The following DYRK1A variants were observed in gnomAD, a reference collection of about 807,000 sequenced individuals.
The protein encoded by DYRK1A is dual specificity tyrosine phosphorylation regulated kinase 1A, also known as dual specificity tyrosine-phosphorylation-regulated kinase 1A.
DYRK1A carries 9 observed loss-of-function variants against 79.7 expected under a neutral mutation model. The ratio of observed to expected loss-of-function variants is 0.11; its 90% CI spans 0.07 to 0.20. The LOEUF (loss-of-function observed/expected upper bound fraction) is 0.20, where lower values mean the gene tolerates loss of function less well. Ranked by LOEUF, DYRK1A falls within the 10% of genes least tolerant of loss-of-function variation. The pLI, the probability that DYRK1A is intolerant of heterozygous loss-of-function variation, is 1.00. For missense variants in DYRK1A, 622 were observed against 956.0 expected, an observed-to-expected ratio of 0.65 and a Z score of 4.61; for synonymous variants, 349 against 329.7, an observed-to-expected ratio of 1.06 and a Z score of -0.63.
chr21:37,438,468 T>G (rs997049755), intron 2 of DYRK1A, among the ~76,000 whole-genome samples: 6 of 152,226 alleles, frequency 3.9e-5, no homozygotes, highest in Non-Finnish European at 8.8e-5. Flanking sequence ...TATTTAAGTC[T>G]GTGGTCCATT....
chr21:37,441,024 C>G (rs909819868), intron 2 of DYRK1A, among the ~76,000 whole-genome samples: 2 of 151,840 alleles, frequency 1.3e-5, no homozygotes, highest in East Asian at 3.9e-4. Flanking sequence ...ATAATTGTGT[C>G]TATCGTTGTA....
intron 1 of DYRK1A, among the ~76,000 whole-genome samples, chr21:37,414,325 C>T (rs2050297106): frequency 6.6e-6 from 1 of 152,024 alleles, no homozygotes; most frequent in Admixed American, 6.6e-5. Flanking sequence ...AGTCAGTTTG[C>T]TTGGATTTGA....
In DYRK1A at chr21:37,473,288, T is replaced by C. The variant is rs527688702; in HGVS notation, c.207+408T>C. Among the ~76,000 whole-genome samples the C allele has an allele frequency of 5.3e-5, 8 of 152,298 alleles. No homozygotes were observed. The East Asian group carries it at 1.5e-3, about 29-fold the overall frequency. ...CTACCTTTCTACACATTTGTAAAAATAAATACAAAACTCCCTAAAATTCAA... is the reference window on the plus strand; with the variant it reads ...CTACCTTTCTACACATTTGTAAAAACAAATACAAAACTCCCTAAAATTCAA... On this transcript the variant is annotated intron_variant, in intron 3 of 11. Transcript: ENST00000647188.
intron 1 of DYRK1A, among the ~76,000 whole-genome samples, chr21:37,378,544 A>G (rs1472928229): frequency 2.6e-5 from 4 of 152,134 alleles, no homozygotes; most frequent in African/African-American, 7.2e-5. Flanking sequence ...GAAAAACAAA[A>G]CAAAAGTATT....
chr21:37,395,947 G>A (rs2049953030), intron 1 of DYRK1A, among the ~76,000 whole-genome samples: 1 of 152,180 alleles, frequency 6.6e-6, no homozygotes, highest in Non-Finnish European at 1.5e-5. Flanking sequence ...GTTAACATAT[G>A]ACAAGCCAGG....
At position 37,417,260 on chromosome 21, in the gene DYRK1A, G is replaced by C; in HGVS notation, c.-76-3039G>C. ...GGCTGGAGTGCAATGGCATGATCTCGGTTCACTGCAGCCTCCGCCTCCTGA... is the reference window on the plus strand; with the variant it reads ...GGCTGGAGTGCAATGGCATGATCTCCGTTCACTGCAGCCTCCGCCTCCTGA... On this transcript the variant is annotated intron_variant, in intron 1 of 11. Transcript: ENST00000647188. Among the ~76,000 whole-genome samples, 2 of 151,880 alleles carry C rather than the reference G, an allele frequency of 1.3e-5. 1 individual carries two copies. Among genetic ancestry groups the C allele is most frequent in the East Asian group, 3.9e-4 (2 of 5,192 alleles).
In DYRK1A at chr21:37,411,049, TAAAA is replaced by T. The variant is rs35292922; in HGVS notation, c.-76-9227_-76-9224del. 8.8e-3 allele frequency among the ~76,000 whole-genome samples: 497 copies of T among 56,442 alleles called. 10 individuals carry two copies. The highest frequency in any genetic ancestry group is 0.034 in the African/African-American group (462 of 13,552). The allele number at this position is 56,442 out of a possible 152,430, so 37.0% of individuals were successfully genotyped here. On this transcript the variant is annotated intron_variant, in intron 1 of 11. Coordinates refer to ENST00000647188, the MANE Select transcript of DYRK1A (RefSeq NM_001347721.2). The stretch of plus-strand genomic sequence containing the variant: ...GGGCGACAGAGTGAGATTCTGTCTT[TAAAA>T]AAAAAAAAAAAAAAAAAAAAAAGCC...
At chr21:37,484,872 C>A (rs1178364078) in intron 5 of DYRK1A, among the ~76,000 whole-genome samples, 1 of 152,172 alleles carries the variant, frequency 6.6e-6, no homozygotes, top group Non-Finnish European at 1.5e-5. Context: ...CTGATACTTC[C>A]CCTCTTGGGC....
rs375597194 is a variant in DYRK1A at position 37,377,255 on chromosome 21, G to C, written c.-77+9627G>C. Among the ~76,000 whole-genome samples the C allele has an allele frequency of 8.1e-4, 124 of 152,230 alleles. 5 individuals are homozygous for C. The South Asian group carries it at 0.024, about 29-fold the overall frequency. ...CTATCTCAGCCTCCCGAGTAGCTGG[G>C]ACTACAGGCCCCTGCCACCACGCCC... On this transcript the variant is annotated intron_variant, in intron 1 of 11. Transcript: ENST00000647188.
At chr21:37,398,089 ATT>A (rs1274271970) in intron 1 of DYRK1A, among the ~76,000 whole-genome samples, 5 of 144,592 alleles carry the variant, frequency 3.5e-5, no homozygotes, top group Admixed American at 1.4e-4. Context: ...ATATATATAT[ATT>A]TATATTTATA....
intron 6 of DYRK1A, chr21:37,488,502 A>G (rs1044005879): frequency 1.1e-6 from 1 of 874,978 alleles, no homozygotes; most frequent in Non-Finnish European, 1.4e-6. Flanking sequence ...TATCTGGATT[A>G]TTTGGTACCT....
chr21:37,484,046 C>T (rs543291196), intron 5 of DYRK1A, among the ~76,000 whole-genome samples: 2 of 152,292 alleles, frequency 1.3e-5, no homozygotes, highest in African/African-American at 2.4e-5. Context: ...GGTCAGCAAG[C>T]ATTACCGCCT....
chr21:37,476,817 T>TC (rs2052409033), intron 3 of DYRK1A, among the ~76,000 whole-genome samples: 2 of 33,426 alleles, frequency 6.0e-5, no homozygotes, highest in South Asian at 1.0e-3. Context: ...TCACCAAGGG[T>TC]TCCCCCCCCC....
At chr21:37,397,023 C>G (rs1359010420) in intron 1 of DYRK1A, among the ~76,000 whole-genome samples, 1 of 152,170 alleles carries the variant, frequency 6.6e-6, no homozygotes, top group Non-Finnish European at 1.5e-5. Flanking sequence ...TGTGTTGTCT[C>G]TGTACTAGCT....
At chr21:37,383,551 A>G (rs1176146671) in intron 1 of DYRK1A, among the ~76,000 whole-genome samples, 1 of 152,244 alleles carries the variant, frequency 6.6e-6, no homozygotes, top group African/African-American at 2.4e-5. Context: ...ACCTGCATGT[A>G]GATTAGAATT....
At chr21:37,499,136 A>G (rs1222269043) in intron 9 of DYRK1A, among the ~76,000 whole-genome samples, 1 of 152,046 alleles carries the variant, frequency 6.6e-6, no homozygotes, top group Non-Finnish European at 1.5e-5. Context: ...GTATTTGTCA[A>G]CTTTTTTTGT....
At chr21:37,498,366 T>C (rs1002706765) in intron 9 of DYRK1A, among the ~76,000 whole-genome samples, 1 of 152,220 alleles carries the variant, frequency 6.6e-6, no homozygotes, top group Non-Finnish European at 1.5e-5. Flanking sequence ...TTTTCTGTTA[T>C]CCCACTACTT....
At position 37,525,734 on chromosome 21, in the gene DYRK1A, A is replaced by G. The variant is rs994780952; in HGVS notation, c.*13203A>G. 1 of 152,234 alleles carries G rather than the reference A, an allele frequency of 6.6e-6. No individual in the cohort carries two copies. Among genetic ancestry groups the G allele is most frequent in the African/African-American group, 2.4e-5 (1 of 41,458 alleles). 9.4% of individuals were successfully genotyped at this position (152,234 alleles called of 1,614,324 possible). A position where few individuals can be genotyped will look rare whatever the true frequency, so the allele number is the denominator to read the frequency against. On this transcript the variant is annotated 3_prime_UTR_variant, in exon 12 of 12. Coordinates refer to ENST00000647188, the MANE Select transcript of DYRK1A (RefSeq NM_001347721.2). The stretch of plus-strand genomic sequence containing the variant: ...AGTGAACTTCCTTTAGCTCTTGTGG[A>G]CTTCACTATCAACAGCTCTCATGAA...
At chr21:37,397,184 C>T (rs1206512215) in intron 1 of DYRK1A, among the ~76,000 whole-genome samples, 2 of 152,152 alleles carry the variant, frequency 1.3e-5, no homozygotes, top group African/African-American at 4.8e-5. Context: ...GAGGTATAAC[C>T]TAGTTGGGCC....
Sources: gnomAD v4.1 joint callset for allele counts (sites outside exome capture counted in the v4.1 genomes callset) on GRCh38, gnomAD v4.1.1 for gene constraint, MANE v1.5 for transcripts, NCBI Gene and HGNC (gene_info 2026-07-23, HGNC 2026-07-21) for gene names.